The following ROBO1 variants were observed in gnomAD, a reference collection of about 807,000 sequenced individuals.
ROBO1 encodes the protein roundabout homolog 1.
A neutral mutation model predicts 195.9 loss-of-function variants in ROBO1; 149 were observed. The ratio of observed to expected loss-of-function variants is 0.76; its 90% CI spans 0.67 to 0.87. The LOEUF (loss-of-function observed/expected upper bound fraction) is 0.87. Among genes scored for constraint, ROBO1 ranks in the 40% least tolerant of loss-of-function variants. The pLI is 0.00. For synonymous variants in ROBO1, 816 were observed against 733.2 expected, an observed-to-expected ratio of 1.11 and a Z score of -1.82; for missense variants, 1,933 against 2,068.3, an observed-to-expected ratio of 0.93 and a Z score of 1.27.
chr3:79,681,444 G>A (rs1036817942), intron 1 of ROBO1, among the ~76,000 whole-genome samples: 10 of 151,966 alleles, frequency 6.6e-5, no homozygotes, highest in Non-Finnish European at 1.5e-4. Context: ...GGCAGTAAGT[G>A]CCAGAGGCCA....
At chr3:79,407,483 A>T (rs1252533217) in intron 2 of ROBO1, among the ~76,000 whole-genome samples, 1 of 152,206 alleles carries the variant, frequency 6.6e-6, no homozygotes. Context: ...ATAAACCTGA[A>T]GAATAGACAC....
chr3:78,810,101 G>T (rs574330348), intron 4 of ROBO1, among the ~76,000 whole-genome samples: 8 of 152,062 alleles, frequency 5.3e-5, no homozygotes, highest in Admixed American at 1.3e-4. Flanking sequence ...ACGCAAAAAT[G>T]TAAGACATAT....
Position 78,631,304 on chromosome 3 carries a change from C to A in ROBO1, c.3483G>T (p.Gly1161=). ...TTGCCCCTTTCTTGTGCCCCTGACT[C>A]CCTAGAAAGGAAATAAAATAGAAGC... The part of the protein sequence containing the change: ...NSSDRGSSTS[G]SQGHKKGART... The change falls in exon 25 of 31, where the codon GGG becomes GGT. Residue 1161 remains glycine (G), a splice_region_variant and synonymous_variant. Transcript: ENST00000464233. The A allele has an allele frequency of 6.2e-7, 1 of 1,612,392 alleles. No individual in the cohort carries two copies. Among genetic ancestry groups the A allele is most frequent in the Non-Finnish European group, 8.5e-7 (1 of 1,179,040 alleles).
chr3:78,866,183 A>C (rs906265380), intron 4 of ROBO1, among the ~76,000 whole-genome samples: 1 of 152,244 alleles, frequency 6.6e-6, no homozygotes, highest in Non-Finnish European at 1.5e-5. Context: ...ATTAAATTTA[A>C]AACAGGAAAA....
intron 2 of ROBO1, among the ~76,000 whole-genome samples, chr3:79,513,255 T>A (rs1015557519): frequency 6.6e-6 from 1 of 152,148 alleles, no homozygotes; most frequent in African/African-American, 2.4e-5. Flanking sequence ...ATGTAATATA[T>A]TCTATCATAG....
chr3:79,134,946 C>A (rs551357968), intron 2 of ROBO1, among the ~76,000 whole-genome samples: 667 of 136,308 alleles, frequency 4.9e-3, no homozygotes, highest in Non-Finnish European at 8.0e-3. Flanking sequence ...CTAGATGACA[C>A]GTTAGTGGGT....
At chr3:78,704,808 C>A (rs545763892) in intron 8 of ROBO1, among the ~76,000 whole-genome samples, 2 of 152,096 alleles carry the variant, frequency 1.3e-5, no homozygotes, top group South Asian at 2.1e-4. Context: ...TGCCACTGCA[C>A]GCTAACCTGG....
intron 4 of ROBO1, among the ~76,000 whole-genome samples, chr3:78,799,099 C>A (rs1224730683): frequency 2.0e-5 from 3 of 152,128 alleles, no homozygotes; most frequent in Non-Finnish European, 4.4e-5. Context: ...TCCTGGAATT[C>A]TTCTCTTTGA....
intron 10 of ROBO1, among the ~76,000 whole-genome samples, chr3:78,681,076 C>T (rs1322051454): frequency 1.3e-5 from 2 of 151,626 alleles, no homozygotes; most frequent in Admixed American, 6.6e-5. Flanking sequence ...AGTAAACTAT[C>T]GCAAGGACAA....
chr3:78,826,987 G>A (rs1399773425), intron 4 of ROBO1, among the ~76,000 whole-genome samples: 1 of 152,078 alleles, frequency 6.6e-6, no homozygotes, highest in Non-Finnish European at 1.5e-5. Context: ...ATACTTATAC[G>A]TACTTAAATT....
At position 79,470,231 on chromosome 3, in the gene ROBO1, T is replaced by C. The variant is rs1030545219; in HGVS notation, c.88+119593A>G. 4.6e-5 allele frequency among the ~76,000 whole-genome samples: 7 copies of C among 152,164 alleles called. No individual in the cohort carries two copies. The South Asian group carries it at 1.2e-3, about 27-fold the overall frequency. On this transcript the variant is annotated intron_variant, in intron 2 of 30. Transcript: ENST00000464233. ...TACACCATGGAATACTATGCAGCCA[T>C]AAAAAATGATGAGTTGATGTCCTTT...
intron 8 of ROBO1, among the ~76,000 whole-genome samples, chr3:78,701,414 C>T (rs1474573428): frequency 6.6e-6 from 1 of 152,166 alleles, no homozygotes; most frequent in Admixed American, 6.6e-5. Flanking sequence ...CATTTTAGAA[C>T]ACTCACTGTA....
intron 2 of ROBO1, among the ~76,000 whole-genome samples, chr3:79,553,752 T>C (rs1447144405): frequency 3.3e-5 from 5 of 152,112 alleles, no homozygotes; most frequent in African/African-American, 1.2e-4. Flanking sequence ...TGATAATTGC[T>C]CTTTCAATTA....
chr3:78,655,044 A>G (rs992909971), intron 18 of ROBO1, among the ~76,000 whole-genome samples: 2 of 152,162 alleles, frequency 1.3e-5, no homozygotes, highest in Non-Finnish European at 2.9e-5. Flanking sequence ...ATTTTCTTAC[A>G]GTTTCTTGTG....
At chr3:79,248,828 C>A (rs1346321564) in intron 2 of ROBO1, among the ~76,000 whole-genome samples, 1 of 152,076 alleles carries the variant, frequency 6.6e-6, no homozygotes, top group Non-Finnish European at 1.5e-5. Flanking sequence ...AGGCATGGAT[C>A]TTAGCCCATC....
intron 1 of ROBO1, among the ~76,000 whole-genome samples, chr3:79,745,239 G>A (rs1703823233): frequency 6.6e-6 from 1 of 152,078 alleles, no homozygotes; most frequent in Admixed American, 6.6e-5. Flanking sequence ...TTCTTCAACA[G>A]CAGCATTGGT....
chr3:79,668,920 C>T (rs1946551353), intron 1 of ROBO1, among the ~76,000 whole-genome samples: 1 of 151,830 alleles, frequency 6.6e-6, no homozygotes, highest in African/African-American at 2.4e-5. Context: ...AATTCTAGTA[C>T]TATAGTCATG....
In ROBO1 at chr3:79,286,825, A is replaced by G. The variant is rs541064667; in HGVS notation, c.89-161286T>C. ...TAGTTACAATTGATTTTCATTTTAT[A>G]AATTCCAGATAAATGTAAGGATTTA... On this transcript the variant is annotated intron_variant, in intron 2 of 30. Coordinates refer to ENST00000464233, the MANE Select transcript of ROBO1 (RefSeq NM_002941.4). 3.9e-5 allele frequency among the ~76,000 whole-genome samples: 6 copies of G among 152,332 alleles called. 1 individual carries two copies. The highest frequency in any genetic ancestry group is 8.8e-5 in the Non-Finnish European group (6 of 68,016).
At chr3:79,479,260 G>T (rs1938706519) in intron 2 of ROBO1, among the ~76,000 whole-genome samples, 1 of 152,136 alleles carries the variant, frequency 6.6e-6, no homozygotes, top group African/African-American at 2.4e-5. Flanking sequence ...GGTGATGGGG[G>T]AAATGGTTTC....
Sources: allele counts gnomAD v4.1 joint callset (sites outside exome capture counted in the v4.1 genomes callset), GRCh38; gene constraint gnomAD v4.1.1; transcripts MANE v1.5; gene names NCBI Gene and HGNC (gene_info 2026-07-23, HGNC 2026-07-21).